MAML2: variants seen among roughly 807,000 people sequenced by gnomAD.
MAML2 encodes the protein mastermind like transcriptional coactivator 2.
In MAML2, 22 loss-of-function variants were observed where a neutral mutation model predicts 96.1. The observed-to-expected ratio is 0.23, with a 90% CI of 0.16 to 0.33. The LOEUF is 0.33. MAML2 is among the 10% of genes least tolerant of loss of function. The pLI, the probability that MAML2 is intolerant of heterozygous loss-of-function variation, is 1.00. For synonymous variants in MAML2, 561 were observed against 521.3 expected (o/e 1.08, Z -1.04); for missense variants, 1,367 against 1,392.4 (o/e 0.98, Z 0.29).
At chr11:96,022,757 T>A (rs989824289) in intron 2 of MAML2, among the ~76,000 whole-genome samples, 2 of 152,222 alleles carry the variant, frequency 1.3e-5, no homozygotes, top group African/African-American at 4.8e-5. Flanking sequence ...ATAATGAGGC[T>A]GACTGGGATC....
At chr11:96,339,176 C>G (rs1411382338) in intron 1 of MAML2, among the ~76,000 whole-genome samples, 3 of 152,190 alleles carry the variant, frequency 2.0e-5, no homozygotes, top group Non-Finnish European at 4.4e-5. Context: ...GGGAGCTCCT[C>G]TAAGGGAATG....
At chr11:95,985,703 CA>C in intron 3 of MAML2, 61 bp from the exon 4 acceptor site, 1 of 1,149,848 alleles carries the variant, frequency 8.7e-7, no homozygotes, top group Non-Finnish European at 1.2e-6. Flanking sequence ...TGTGAAAATA[CA>C]TGTAAAATTT....
At chr11:96,242,206 GT>G (rs1862446728) in intron 1 of MAML2, among the ~76,000 whole-genome samples, 1 of 152,212 alleles carries the variant, frequency 6.6e-6, no homozygotes, top group Admixed American at 6.5e-5. Flanking sequence ...GATGAATAAA[GT>G]GATTTATTTC....
intron 2 of MAML2, among the ~76,000 whole-genome samples, chr11:96,078,788 T>A (rs944810464): frequency 6.6e-6 from 1 of 152,268 alleles, no homozygotes; most frequent in African/African-American, 2.4e-5. Flanking sequence ...GACCTGTCAG[T>A]AAATTATCCA....
chr11:96,307,520 C>G (rs912821525), intron 1 of MAML2, among the ~76,000 whole-genome samples: 2 of 152,128 alleles, frequency 1.3e-5, no homozygotes, highest in Non-Finnish European at 2.9e-5. Flanking sequence ...AGCCCAGGCA[C>G]TCTCGACAGC....
chr11:96,064,492 G>A (rs1370480807), intron 2 of MAML2, among the ~76,000 whole-genome samples: 1 of 152,200 alleles, frequency 6.6e-6, no homozygotes, highest in Non-Finnish European at 1.5e-5. Flanking sequence ...TATATATGAA[G>A]AGCCCAAACT....
intron 1 of MAML2, among the ~76,000 whole-genome samples, chr11:96,286,757 A>G (rs1009803044): frequency 2.6e-5 from 4 of 152,126 alleles, no homozygotes; most frequent in Non-Finnish European, 5.9e-5. Context: ...GGAAAAATGT[A>G]TATGTGGAGA....
intron 1 of MAML2, among the ~76,000 whole-genome samples, chr11:96,282,261 ATAAT>A (rs1565272379): frequency 7.9e-5 from 11 of 139,544 alleles, no homozygotes; most frequent in African/African-American, 2.1e-4. Flanking sequence ...AAAAAAAATA[ATAAT>A]AATAATAATA....
chr11:96,287,002 C>T (rs982651287), intron 1 of MAML2, among the ~76,000 whole-genome samples: 38 of 152,050 alleles, frequency 2.5e-4, no homozygotes, highest in Non-Finnish European at 3.2e-4. Context: ...GAGAGAGCAG[C>T]CTGATGCGCT....
chr11:96,035,404 T>A (rs1858695512), intron 2 of MAML2, among the ~76,000 whole-genome samples: 1 of 152,262 alleles, frequency 6.6e-6, no homozygotes. Context: ...CAATCTGCTC[T>A]GCCTAGATCA....
chr11:96,021,635 C>T (rs547267688), intron 2 of MAML2, among the ~76,000 whole-genome samples: 8 of 152,308 alleles, frequency 5.3e-5, no homozygotes, highest in South Asian at 2.1e-4. Context: ...TCTGGTACAG[C>T]GGCTGGCAAT....
At chr11:96,035,649 G>A (rs1858699276) in intron 2 of MAML2, among the ~76,000 whole-genome samples, 1 of 152,224 alleles carries the variant, frequency 6.6e-6, no homozygotes, top group South Asian at 2.1e-4. Flanking sequence ...GAAGCACAGA[G>A]ACAGGGAAGA....
intron 1 of MAML2, among the ~76,000 whole-genome samples, chr11:96,192,501 T>G (rs1415992778): frequency 6.6e-6 from 1 of 152,198 alleles, no homozygotes; most frequent in African/African-American, 2.4e-5. Context: ...CTTCCAATCA[T>G]AAGAATCTAT....
intron 1 of MAML2, among the ~76,000 whole-genome samples, chr11:96,233,541 A>G (rs1862326048): frequency 6.6e-6 from 1 of 152,042 alleles, no homozygotes; most frequent in Admixed American, 6.6e-5. Context: ...CTTAGTAGCT[A>G]GGACAATAGG....
In MAML2 at chr11:96,072,743, A is replaced by G. The variant is rs1045189994; in HGVS notation, c.2139+19149T>C. Among the ~76,000 whole-genome samples the G allele has an allele frequency of 4.6e-5, 7 of 152,304 alleles. No homozygotes were observed. In the South Asian group the frequency reaches 1.4e-3, roughly 32 times the overall value. ...AAGTGAACCCTGGATGGGACCAGAG[A>G]TCCAACCTCATGCCAAAAGGACTGT... On this transcript the variant is annotated intron_variant, in intron 2 of 4. Coordinates refer to ENST00000524717, the MANE Select transcript of MAML2 (RefSeq NM_032427.4).
At chr11:96,237,444 C>T (rs764877275) in intron 1 of MAML2, among the ~76,000 whole-genome samples, 1 of 152,182 alleles carries the variant, frequency 6.6e-6, no homozygotes, top group Non-Finnish European at 1.5e-5. Context: ...TAGCCTGTAC[C>T]ACATAATACA....
At chr11:96,226,438 A>T (rs1271684933) in intron 1 of MAML2, among the ~76,000 whole-genome samples, 1 of 152,222 alleles carries the variant, frequency 6.6e-6, no homozygotes, top group African/African-American at 2.4e-5. Flanking sequence ...CTCAGGCATG[A>T]AGGACAGTGA....
intron 1 of MAML2, among the ~76,000 whole-genome samples, chr11:96,306,155 C>T (rs1015978271): frequency 5.3e-5 from 8 of 152,056 alleles, no homozygotes; most frequent in African/African-American, 1.9e-4. Flanking sequence ...TTCAGTTGTG[C>T]ACTTCAGTTG....
intron 1 of MAML2, among the ~76,000 whole-genome samples, chr11:96,331,890 T>C (rs528157427): frequency 6.6e-6 from 1 of 152,010 alleles, no homozygotes; most frequent in Non-Finnish European, 1.5e-5. Flanking sequence ...CTCTAAGGGC[T>C]TATACAACTC....
Sources: gnomAD v4.1 joint callset for allele counts (sites outside exome capture counted in the v4.1 genomes callset) on GRCh38, gnomAD v4.1.1 for gene constraint, MANE v1.5 for transcripts, NCBI Gene and HGNC (gene_info 2026-07-23, HGNC 2026-07-21) for gene names.